The following PLCE1 variants were observed in gnomAD, a reference collection of about 807,000 sequenced individuals.
PLCE1 encodes the protein 1-phosphatidylinositol 4,5-bisphosphate phosphodiesterase epsilon-1.
In PLCE1, 119 loss-of-function variants were observed where a neutral mutation model predicts 242.8. The observed-to-expected ratio is 0.49, with a 90% CI of 0.42 to 0.57. PLCE1 has a LOEUF of 0.57. Ranked by LOEUF, PLCE1 falls within the 20% of genes least tolerant of loss-of-function variation. The pLI, the probability that PLCE1 is intolerant of heterozygous loss-of-function variation, is 0.00. For missense variants in PLCE1, 2,441 were observed against 2,788.8 expected (o/e 0.88, Z 2.81); for synonymous variants, 945 against 1,017.4 (o/e 0.93, Z 1.35).
chr10:94,235,886 A>G, intron 6 of PLCE1, 29 bp from the exon 7 acceptor site: 1 of 1,587,646 alleles, frequency 6.3e-7, no homozygotes, highest in Non-Finnish European at 8.6e-7. Flanking sequence ...ATTAAGTTGC[A>G]ATAGCAAATT....
Position 94,298,758 on chromosome 10 carries a change from C to A in PLCE1, c.5458+89C>A. 1 of 1,326,484 alleles carries A rather than the reference C, an allele frequency of 7.5e-7. No individual in the cohort carries two copies. Among genetic ancestry groups the A allele is most frequent in the Non-Finnish European group, 1.1e-6 (1 of 922,282 alleles). The allele number at this position is 1,326,484 out of a possible 1,614,324, so 82.2% of individuals were successfully genotyped here. A position where few individuals can be genotyped will look rare whatever the true frequency, so the allele number is the denominator to read the frequency against. ...AGCATTTTTTCAAAGGGGCAAGATT[C>A]CAGACTGGGGCACACCATATGTGAG... is the stretch of plus-strand genomic sequence containing the variant. On this transcript the variant is annotated intron_variant, in intron 24 of 32. Transcript: ENST00000371380. The surrounding 1 kb of genome is among the most constrained non-coding windows in gnomAD (Gnocchi z 5.2).
At chr10:94,078,692 C>G (rs776205329) in intron 2 of PLCE1, among the ~76,000 whole-genome samples, 1 of 152,150 alleles carries the variant, frequency 6.6e-6, no homozygotes, top group Non-Finnish European at 1.5e-5. Flanking sequence ...ACCATCTTGG[C>G]CAGGCTGGTC....
At chr10:94,157,850 CT>C (rs2047482825) in intron 3 of PLCE1, among the ~76,000 whole-genome samples, 1 of 152,084 alleles carries the variant, frequency 6.6e-6, no homozygotes, top group African/African-American at 2.4e-5. Context: ...AGATGCTGGA[CT>C]TTGGTGTTGG....
intron 23 of PLCE1, among the ~76,000 whole-genome samples, chr10:94,295,335 G>A (rs1475540315): frequency 2.6e-5 from 4 of 152,160 alleles, no homozygotes; most frequent in African/African-American, 4.8e-5. Context: ...CAGGATCTTC[G>A]CCAAGAGTAG....
At chr10:94,042,074 T>C (rs1340758742) in intron 2 of PLCE1, among the ~76,000 whole-genome samples, 3 of 152,198 alleles carry the variant, frequency 2.0e-5, no homozygotes, top group Admixed American at 6.5e-5. Flanking sequence ...AAATTATAAA[T>C]TAACACTTCC....
chr10:94,255,088 A>T (rs772969185), intron 11 of PLCE1, 39 bp downstream of exon 11: 2 of 1,602,922 alleles, frequency 1.2e-6, no homozygotes, highest in East Asian at 4.5e-5. Context: ...GACCCTTCAC[A>T]TTATTCCAGT....
chr10:94,270,850 A>C (rs2051702967), intron 18 of PLCE1, among the ~76,000 whole-genome samples: 1 of 152,092 alleles, frequency 6.6e-6, no homozygotes, highest in Non-Finnish European at 1.5e-5. Flanking sequence ...TTGTATTTTT[A>C]GTAGAGATGA....
intron 30 of PLCE1, 66 bp downstream of exon 30, chr10:94,322,125 T>C: frequency 7.0e-7 from 1 of 1,426,272 alleles, no homozygotes. Context: ...CAAATGTCTG[T>C]GCACTGATGG....
chr10:94,277,626 C>T (rs2052009881), intron 19 of PLCE1, among the ~76,000 whole-genome samples: 2 of 152,188 alleles, frequency 1.3e-5, no homozygotes, highest in Admixed American at 6.5e-5. Flanking sequence ...TCATCATTCC[C>T]AGCACTTGGC....
chr10:94,107,491 TA>T (rs2135572848), intron 2 of PLCE1: 1 of 152,294 alleles, frequency 6.6e-6, no homozygotes, highest in Non-Finnish European at 1.5e-5. Flanking sequence ...ACTACAAAGA[TA>T]CCCCATGAAG....
At chr10:94,078,932 C>G (rs889938193) in intron 2 of PLCE1, among the ~76,000 whole-genome samples, 10 of 152,266 alleles carry the variant, frequency 6.6e-5, no homozygotes, top group African/African-American at 2.2e-4. Context: ...GAATGGGCTT[C>G]TGGAAGTTGA....
At chr10:94,050,881 T>C (rs1164356925) in intron 2 of PLCE1, among the ~76,000 whole-genome samples, 1 of 152,156 alleles carries the variant, frequency 6.6e-6, no homozygotes, top group African/African-American at 2.4e-5. Flanking sequence ...TTGCATTTCA[T>C]CTTTCTTCAG....
chr10:94,033,559 A>G (rs2061604555), intron 2 of PLCE1, among the ~76,000 whole-genome samples: 1 of 152,092 alleles, frequency 6.6e-6, no homozygotes, highest in Non-Finnish European at 1.5e-5. Flanking sequence ...CCTTTTTGAG[A>G]TTAATGAAAA....
At chr10:94,105,844 T>G (rs2045710267) in intron 2 of PLCE1, 2 of 152,244 alleles carry the variant, frequency 1.3e-5, no homozygotes, top group Admixed American at 6.5e-5. Flanking sequence ...AGCTCTTTTT[T>G]AAGGTAAAAA....
intron 27 of PLCE1, among the ~76,000 whole-genome samples, chr10:94,311,437 A>G (rs1244205341): frequency 6.6e-6 from 1 of 152,166 alleles, no homozygotes; most frequent in Non-Finnish European, 1.5e-5. Context: ...ACAAAGACCA[A>G]ATATGTATTT....
At chr10:94,264,451 C>A (rs1315888821) in intron 14 of PLCE1, among the ~76,000 whole-genome samples, 1 of 147,950 alleles carries the variant, frequency 6.8e-6, no homozygotes, top group Non-Finnish European at 1.5e-5. Context: ...AGGAGGTTGG[C>A]TTTAGTCCAT....
chr10:94,120,528 T>C (rs114679366), intron 2 of PLCE1, among the ~76,000 whole-genome samples: 2,416 of 152,294 alleles, frequency 0.016, 56 homozygotes, highest in African/African-American at 0.046. Context: ...CTGGTGGTCA[T>C]TCACTTGGGT....
intron 8 of PLCE1, among the ~76,000 whole-genome samples, chr10:94,247,587 C>T (rs1285203486): frequency 1.3e-5 from 2 of 152,046 alleles, no homozygotes; most frequent in Non-Finnish European, 2.9e-5. Context: ...CATATTGCTG[C>T]CTAATTGTAG....
intron 28 of PLCE1, chr10:94,315,526 T>C (rs1369914996): frequency 6.6e-6 from 3 of 455,778 alleles, no homozygotes; most frequent in Non-Finnish European, 1.3e-5. Context: ...CCCGGCACTT[T>C]GGGAGGCCGA....
Sources: allele counts gnomAD v4.1 joint callset (sites outside exome capture counted in the v4.1 genomes callset), GRCh38; gene constraint gnomAD v4.1.1; non-coding constraint Gnocchi (gnomAD v3.1); transcripts MANE v1.5; gene names NCBI Gene and HGNC (gene_info 2026-07-23, HGNC 2026-07-21).